Variants in TMEM200A observed in about 807,000 individuals in gnomAD.
TMEM200A encodes the protein two transmembrane C.
TMEM200A carries 12 observed loss-of-function variants against 24.3 expected under a neutral mutation model. That is an observed-to-expected ratio of 0.49 (90% CI 0.32 to 0.80). The LOEUF is 0.80. Among genes scored for constraint, TMEM200A ranks in the 30% least tolerant of loss-of-function variants. The pLI is 0.04. For synonymous variants in TMEM200A, 224 were observed against 224.4 expected, an observed-to-expected ratio of 1.00 and a Z score of 0.02; for missense variants, 545 against 614.4, an observed-to-expected ratio of 0.89 and a Z score of 1.19.
intron 2 of TMEM200A, among the ~76,000 whole-genome samples, chr6:130,408,254 A>C (rs1001357158): frequency 3.9e-5 from 6 of 152,216 alleles, no homozygotes; most frequent in African/African-American, 1.4e-4. Flanking sequence ...CAGAAGGATC[A>C]GGAGGGAGCA....
chr6:130,424,770 T>C (rs1216599474), intron 2 of TMEM200A, among the ~76,000 whole-genome samples: 1 of 152,092 alleles, frequency 6.6e-6, no homozygotes, highest in Non-Finnish European at 1.5e-5. Context: ...AACCTAGAGA[T>C]GTTACCAGTG....
At chr6:130,369,062 C>G (rs1241898729) in intron 1 of TMEM200A, among the ~76,000 whole-genome samples, 1 of 152,100 alleles carries the variant, frequency 6.6e-6, no homozygotes, top group Non-Finnish European at 1.5e-5. Flanking sequence ...GAGGGTCTTG[C>G]TAGTTGTATT....
rs866877073 is a variant in TMEM200A, at chr6:130,383,280, C to T, written c.-80-1893C>T. Among the ~76,000 whole-genome samples the T allele has an allele frequency of 5.9e-5, 9 of 152,276 alleles. No homozygotes were observed. In the Middle Eastern group the frequency reaches 0.01, roughly 173 times the overall value. On this transcript the variant is annotated intron_variant, in intron 1 of 2. Transcript: ENST00000296978. ...CTCTTCCCAATTGCTAGGAAGTCAG[C>T]AATGCCATCCTGAAAAGAATGAGAC...
At position 130,366,202 on chromosome 6, in the gene TMEM200A, C is replaced by T. The variant is rs1778139432; in HGVS notation, c.-403C>T. The T allele has an allele frequency of 5.1e-6, 5 of 985,206 alleles. No individual in the cohort carries two copies. The South Asian group carries it at 1.9e-4, about 37-fold the overall frequency. 61.0% of individuals were successfully genotyped at this position (985,206 alleles called of 1,614,324 possible). ...GATGGCGGCGGCCCTCTGTGAGCACCGGCAGCGGCGCATCCCCTGCCCCGA... is the reference window on the plus strand; with the variant it reads ...GATGGCGGCGGCCCTCTGTGAGCACTGGCAGCGGCGCATCCCCTGCCCCGA... On this transcript the variant is annotated 5_prime_UTR_variant, in exon 1 of 3. Coordinates refer to ENST00000296978, the MANE Select transcript of TMEM200A (RefSeq NM_001258277.2). The surrounding 1 kb of genome is among the most constrained non-coding windows in gnomAD (Gnocchi z 4.4).
chr6:130,376,420 C>T (rs752174264), intron 1 of TMEM200A, among the ~76,000 whole-genome samples: 5 of 152,068 alleles, frequency 3.3e-5, no homozygotes, highest in Non-Finnish European at 7.4e-5. Flanking sequence ...GTAGCTGGAA[C>T]TACAGGCACA....
chr6:130,394,581 T>G (rs1778907559), intron 2 of TMEM200A, among the ~76,000 whole-genome samples: 1 of 152,202 alleles, frequency 6.6e-6, no homozygotes, highest in East Asian at 1.9e-4. Flanking sequence ...GGAGGACATT[T>G]TTTGGCAAAG....
chr6:130,382,094 G>GA, intron 1 of TMEM200A: 1 of 413,014 alleles, frequency 2.4e-6, no homozygotes, highest in Non-Finnish European at 3.3e-6. Flanking sequence ...AGGATAATTT[G>GA]AAAATCACAG....
At chr6:130,439,322 G>A (rs1780097877) in intron 2 of TMEM200A, 1 of 152,188 alleles carries the variant, frequency 6.6e-6, no homozygotes, top group Non-Finnish European at 1.5e-5. Flanking sequence ...TGGAATTAAA[G>A]GACATCGTAT....
intron 2 of TMEM200A, among the ~76,000 whole-genome samples, chr6:130,389,257 C>T (rs1230061134): frequency 6.6e-6 from 1 of 152,110 alleles, no homozygotes; most frequent in African/African-American, 2.4e-5. Context: ...TACCCAGTCA[C>T]ACAACAAGAT....
chr6:130,406,972 G>T (rs968569498), intron 2 of TMEM200A, among the ~76,000 whole-genome samples: 4 of 152,136 alleles, frequency 2.6e-5, no homozygotes, highest in African/African-American at 9.7e-5. Context: ...TCTGCTAAAT[G>T]TTAAATGTAA....
At chr6:130,394,640 T>C (rs1421578377) in intron 2 of TMEM200A, among the ~76,000 whole-genome samples, 1 of 152,230 alleles carries the variant, frequency 6.6e-6, no homozygotes, top group African/African-American at 2.4e-5. Flanking sequence ...TGCTAATTTA[T>C]TTTTTGGCAT....
intron 2 of TMEM200A, chr6:130,437,020 T>C (rs1292505798): frequency 6.6e-6 from 1 of 152,176 alleles, no homozygotes; most frequent in Non-Finnish European, 1.5e-5. Context: ...TGGTCCCTAA[T>C]TCCTGCTTTC....
intron 2 of TMEM200A, among the ~76,000 whole-genome samples, chr6:130,427,224 A>G: frequency 6.6e-6 from 1 of 152,220 alleles, no homozygotes; most frequent in Admixed American, 6.5e-5. Flanking sequence ...TGTTCCTTGC[A>G]TAGGTCAATA....
intron 2 of TMEM200A, among the ~76,000 whole-genome samples, chr6:130,394,554 C>T (rs992187690): frequency 6.6e-6 from 1 of 152,178 alleles, no homozygotes; most frequent in Non-Finnish European, 1.5e-5. Context: ...TTCCAATTAC[C>T]AGTTTCTTTA....
chr6:130,391,586 A>G (rs1183051835), intron 2 of TMEM200A, among the ~76,000 whole-genome samples: 4 of 152,156 alleles, frequency 2.6e-5, no homozygotes, highest in Admixed American at 2.6e-4. Flanking sequence ...CAAATATATT[A>G]TCTCTAGCTT....
chr6:130,391,734 T>C (rs1778836676), intron 2 of TMEM200A, among the ~76,000 whole-genome samples: 2 of 69,526 alleles, frequency 2.9e-5, no homozygotes, highest in African/African-American at 9.8e-5. Context: ...AAGATTCCTT[T>C]TTTTTTTTTT....
chr6:130,408,945 C>G (rs923089673), intron 2 of TMEM200A, among the ~76,000 whole-genome samples: 3 of 152,102 alleles, frequency 2.0e-5, no homozygotes, highest in African/African-American at 7.2e-5. Context: ...ACCACCCCCT[C>G]CCTGACCCTG....
chr6:130,394,679 G>C (rs1778909190), intron 2 of TMEM200A, among the ~76,000 whole-genome samples: 1 of 152,136 alleles, frequency 6.6e-6, no homozygotes, highest in Non-Finnish European at 1.5e-5. Flanking sequence ...GATGTCAAAA[G>C]GTACATACAA....
chr6:130,425,064 G>C (rs76036591), intron 2 of TMEM200A, among the ~76,000 whole-genome samples: 2,777 of 151,988 alleles, frequency 0.018, 23 homozygotes, highest in Non-Finnish European at 0.027. Flanking sequence ...CATGAATACT[G>C]CCATCCTTGT....
Sources: allele counts gnomAD v4.1 joint callset (sites outside exome capture counted in the v4.1 genomes callset), GRCh38; gene constraint gnomAD v4.1.1; non-coding constraint Gnocchi (gnomAD v3.1); transcripts MANE v1.5; gene names NCBI Gene and HGNC (gene_info 2026-07-23, HGNC 2026-07-21).